Variants in RIC1 observed in about 807,000 individuals in gnomAD.
RIC1 encodes RIC1 partner of RAB6A GEF complex.
RIC1 carries 88 observed loss-of-function variants against 169.0 expected under a neutral mutation model. The ratio of observed to expected loss-of-function variants is 0.52; its 90% CI spans 0.44 to 0.62. The LOEUF (loss-of-function observed/expected upper bound fraction) is 0.62, where lower values mean the gene tolerates loss of function less well. Among genes scored for constraint, RIC1 ranks in the 20% least tolerant of loss-of-function variants. The probability of loss-of-function intolerance (pLI) is 0.00; values close to 1 mark genes in which losing one functional copy is unlikely to be tolerated. For missense variants in RIC1, 1,877 were observed against 1,725.5 expected, an observed-to-expected ratio of 1.09 and a Z score of -1.56; for synonymous variants, 790 against 601.5, an observed-to-expected ratio of 1.31 and a Z score of -4.59.
chr9:5,725,995 A>T (rs1481048984), intron 6 of RIC1, among the ~76,000 whole-genome samples: 2 of 152,128 alleles, frequency 1.3e-5, no homozygotes, highest in Admixed American at 1.3e-4. Context: ...TTTTGGAATA[A>T]GTGTGATGTG....
At chr9:5,654,350 G>A (rs575690531) in intron 1 of RIC1, among the ~76,000 whole-genome samples, 45 of 152,108 alleles carry the variant, frequency 3.0e-4, no homozygotes, top group African/African-American at 9.6e-4. Context: ...GGGTTCAAGC[G>A]ATTCTCCTGC....
chr9:5,720,428 G>T (rs761027759), intron 5 of RIC1, 104 bp downstream of exon 5: 53 of 1,262,672 alleles, frequency 4.2e-5, no homozygotes, highest in Non-Finnish European at 5.7e-5. Flanking sequence ...TTATGCAAGG[G>T]GAGAGGTGGG....
intron 4 of RIC1, among the ~76,000 whole-genome samples, chr9:5,716,027 A>G (rs890028706): frequency 6.6e-6 from 1 of 152,038 alleles, no homozygotes; most frequent in African/African-American, 2.4e-5. Flanking sequence ...ACTTTATTGT[A>G]GAGACAAGGT....
chr9:5,770,184 C>G lies in RIC1; in HGVS notation c.3522C>G (p.Leu1174=), dbSNP rs1827111662. ...ISNIQRSQSW[L]SNIGPTHHEI... Reference sequence around the variant, plus strand: ...ACATCCAGCGAAGTCAGAGCTGGCTCAGCAACATTGGCCCCACCCATCATG... The same window carrying G: ...ACATCCAGCGAAGTCAGAGCTGGCTGAGCAACATTGGCCCCACCCATCATG... The change falls in exon 23 of 26, where the codon CTC becomes CTG. Residue 1174 remains leucine, a synonymous_variant. Transcript: ENST00000414202. The G allele has an allele frequency of 1.2e-6, 2 of 1,614,006 alleles. No homozygotes were observed. Among genetic ancestry groups the G allele is most frequent in the African/African-American group, 2.7e-5 (2 of 75,026 alleles).
At chr9:5,665,853 G>T (rs1057513433) in intron 2 of RIC1, among the ~76,000 whole-genome samples, 2 of 152,170 alleles carry the variant, frequency 1.3e-5, no homozygotes, top group Non-Finnish European at 2.9e-5. Flanking sequence ...TGTTAGCTCA[G>T]ATGTGCCTGG....
intron 12 of RIC1, among the ~76,000 whole-genome samples, chr9:5,750,771 T>TG (rs397894432): frequency 4.6e-5 from 7 of 151,758 alleles, no homozygotes; most frequent in Non-Finnish European, 7.4e-5. Flanking sequence ...CTGTTTTTTT[T>TG]GTCACTGATC....
intron 6 of RIC1, among the ~76,000 whole-genome samples, chr9:5,724,638 A>G (rs552587572): frequency 1.3e-5 from 2 of 152,332 alleles, no homozygotes; most frequent in East Asian, 1.9e-4. Context: ...GTCTTGTGCC[A>G]GTTTTCAAAG....
intron 2 of RIC1, among the ~76,000 whole-genome samples, chr9:5,657,378 A>G (rs749743822): frequency 6.6e-6 from 1 of 152,108 alleles, no homozygotes; most frequent in South Asian, 2.1e-4. Context: ...GCAGTAATAT[A>G]TGTGGTTAAT....
At chr9:5,721,892 T>C (rs1823612311) in intron 6 of RIC1, among the ~76,000 whole-genome samples, 1 of 142,342 alleles carries the variant, frequency 7.0e-6, no homozygotes, top group Admixed American at 7.0e-5. Flanking sequence ...TTTTGTTTTC[T>C]TTTTTTTTTT....
intron 2 of RIC1, among the ~76,000 whole-genome samples, chr9:5,661,527 T>C (rs1291576160): frequency 6.6e-6 from 1 of 152,208 alleles, no homozygotes; most frequent in African/African-American, 2.4e-5. Context: ...TGGTTTGTAG[T>C]TCCCCTTGAA....
At chr9:5,643,837 C>T (rs928601654) in intron 1 of RIC1, among the ~76,000 whole-genome samples, 1 of 152,058 alleles carries the variant, frequency 6.6e-6, no homozygotes, top group African/African-American at 2.4e-5. Context: ...GGAATTTACA[C>T]CTGCCACAAA....
chr9:5,640,347 T>G (rs906492843), intron 1 of RIC1, among the ~76,000 whole-genome samples: 1 of 152,218 alleles, frequency 6.6e-6, no homozygotes, highest in Non-Finnish European at 1.5e-5. Context: ...ACACAAAGTG[T>G]TTAAAGTGTA....
chr9:5,635,563 A>G (rs1423159839), intron 1 of RIC1, among the ~76,000 whole-genome samples: 7 of 152,182 alleles, frequency 4.6e-5, no homozygotes, highest in Non-Finnish European at 1.0e-4. Context: ...TGTCAGTACC[A>G]TACTATTTTG....
At chr9:5,727,141 C>A (rs1231146335) in intron 6 of RIC1, among the ~76,000 whole-genome samples, 1 of 152,188 alleles carries the variant, frequency 6.6e-6, no homozygotes, top group Non-Finnish European at 1.5e-5. Context: ...TAACATCCTG[C>A]AGAGTGTTTT....
Position 5,763,480 on chromosome 9 carries a change from G to T in RIC1, c.2453G>T (p.Cys818Phe), listed in dbSNP as rs1297929811. ...REQLEVLFPF[C>F]VVERTSQIYL... ...CAGCTGGAGGTGCTCTTCCCTTTCTGTGTTGTGGAGAGAACCTCTCAGATC... is the reference window on the plus strand; with the variant it reads ...CAGCTGGAGGTGCTCTTCCCTTTCTTTGTTGTGGAGAGAACCTCTCAGATC... Residue 818 changes from cysteine to phenylalanine, a missense_variant, in exon 19 of 26, where the codon TGT becomes TTT. Physicochemically the swap from Cys to Phe is radical, Grantham distance 205. Coordinates refer to ENST00000414202, the MANE Select transcript of RIC1 (RefSeq NM_020829.4). This position sits in a 1 kb window ranked among gnomAD's most constrained non-coding sequence, Gnocchi z 5.2. The T allele has an allele frequency of 6.2e-7, 1 of 1,614,154 alleles. No homozygotes were observed. Among genetic ancestry groups the T allele is most frequent in the East Asian group, 2.2e-5 (1 of 44,874 alleles).
chr9:5,758,248 C>G (rs12685161), intron 17 of RIC1, among the ~76,000 whole-genome samples: 1 of 152,264 alleles, frequency 6.6e-6, no homozygotes, highest in Non-Finnish European at 1.5e-5. Context: ...GTAGGGCGAC[C>G]AGGACCCACG....
intron 21 of RIC1, among the ~76,000 whole-genome samples, chr9:5,766,612 C>G (rs901003099): frequency 2.6e-5 from 4 of 152,168 alleles, no homozygotes; most frequent in African/African-American, 9.7e-5. Flanking sequence ...GTTTTCCATT[C>G]CTGAGTTACT....
chr9:5,665,520 C>G (rs1197665772), intron 2 of RIC1, among the ~76,000 whole-genome samples: 1 of 152,148 alleles, frequency 6.6e-6, no homozygotes, highest in African/African-American at 2.4e-5. Context: ...AATAGGCACT[C>G]TGGTTTTTTG....
chr9:5,658,311 C>G (rs1819231226), intron 2 of RIC1, among the ~76,000 whole-genome samples: 1 of 152,038 alleles, frequency 6.6e-6, no homozygotes, highest in African/African-American at 2.4e-5. Flanking sequence ...AGACTAAGCA[C>G]TTATCAGAAT....
Sources: gnomAD v4.1 joint callset for allele counts (sites outside exome capture counted in the v4.1 genomes callset) on GRCh38, gnomAD v4.1.1 for gene constraint, Gnocchi (gnomAD v3.1) non-coding constraint, MANE v1.5 for transcripts, NCBI Gene and HGNC (gene_info 2026-07-23, HGNC 2026-07-21) for gene names.